ANKFY1: variants seen among roughly 807,000 people sequenced by gnomAD.
ANKFY1 encodes ankyrin repeat and FYVE domain containing 1.
Under a neutral mutation model 128.3 loss-of-function variants are expected in ANKFY1, and 47 were observed. That is an observed-to-expected ratio of 0.37 (90% CI 0.29 to 0.47). The LOEUF (loss-of-function observed/expected upper bound fraction) is 0.47, where lower values mean the gene tolerates loss of function less well. Ranked by LOEUF, ANKFY1 falls within the 20% of genes least tolerant of loss-of-function variation. ANKFY1 has a pLI of 1.00. For synonymous variants in ANKFY1, 553 were observed against 601.6 expected, an observed-to-expected ratio of 0.92 and a Z score of 1.18; for missense variants, 1,222 against 1,510.6, an observed-to-expected ratio of 0.81 and a Z score of 3.17.
At chr17:4,193,839 A>G (rs978868019) in intron 10 of ANKFY1, among the ~76,000 whole-genome samples, 6 of 151,726 alleles carry the variant, frequency 4.0e-5, no homozygotes, top group Admixed American at 2.0e-4. Flanking sequence ...GGCTCACTGC[A>G]ACCTCTGTCT....
At chr17:4,229,779 C>A (rs555724107) in intron 3 of ANKFY1, among the ~76,000 whole-genome samples, 1 of 152,194 alleles carries the variant, frequency 6.6e-6, no homozygotes, top group Non-Finnish European at 1.5e-5. Context: ...CATGACATGG[C>A]CGCTAACGTT....
intron 10 of ANKFY1, 65 bp from the exon 11 acceptor site, chr17:4,189,544 C>T: frequency 7.5e-7 from 1 of 1,325,434 alleles, no homozygotes; most frequent in Non-Finnish European, 1.0e-6. Flanking sequence ...CTGCACAACA[C>T]CCTGCTCTTC....
intron 16 of ANKFY1, chr17:4,180,204 G>A (rs1283387027): frequency 1.1e-5 from 3 of 271,926 alleles, no homozygotes; most frequent in Non-Finnish European, 2.1e-5. Flanking sequence ...GAGGCAGGTG[G>A]ATCACCTCAG....
At chr17:4,261,750 AATCTCAACCTTGC>A (rs1968429853) in intron 1 of ANKFY1, among the ~76,000 whole-genome samples, 1 of 152,144 alleles carries the variant, frequency 6.6e-6, no homozygotes, top group Non-Finnish European at 1.5e-5. Flanking sequence ...AGCCCTCCAC[AATCTCAACCTTGC>A]TAATGTATTC....
intron 17 of ANKFY1, chr17:4,179,369 C>T (rs371876798): frequency 1.7e-5 from 9 of 515,958 alleles, no homozygotes; most frequent in African/African-American, 9.5e-5. Flanking sequence ...TGCACAGGCT[C>T]GAATGTTGAA....
intron 10 of ANKFY1, among the ~76,000 whole-genome samples, chr17:4,193,419 CTT>C (rs34747890): frequency 9.2e-6 from 1 of 108,278 alleles, no homozygotes; most frequent in African/African-American, 4.2e-5. Flanking sequence ...CCAGTCGACT[CTT>C]TTTTTTTTTT....
At chr17:4,256,299 G>C (rs1046828624) in intron 1 of ANKFY1, among the ~76,000 whole-genome samples, 5 of 151,948 alleles carry the variant, frequency 3.3e-5, no homozygotes, top group Non-Finnish European at 7.4e-5. Context: ...GCAGTGGCGG[G>C]CGCCTGTAGT....
intron 8 of ANKFY1, 98 bp from the exon 9 acceptor site, chr17:4,195,569 G>C (rs754013098): frequency 4.6e-6 from 4 of 876,220 alleles, no homozygotes; most frequent in Middle Eastern, 2.3e-4. Flanking sequence ...ATCACCACCC[G>C]CAAGAAATCC....
rs1162219890 is a variant in ANKFY1 at position 4,167,185 on chromosome 17, C to G, written c.*594G>C. The G allele has an allele frequency of 6.6e-6, 1 of 152,644 alleles. No homozygotes were observed. Among genetic ancestry groups the G allele is most frequent in the Non-Finnish European group, 1.5e-5 (1 of 68,052 alleles). The allele number at this position is 152,644 out of a possible 1,614,324, so 9.5% of individuals were successfully genotyped here. A position where few individuals can be genotyped will look rare whatever the true frequency, so the allele number is the denominator to read the frequency against. On this transcript the variant is annotated 3_prime_UTR_variant, in exon 25 of 25. Transcript: ENST00000341657. This position sits in a 1 kb window ranked among gnomAD's most constrained non-coding sequence, Gnocchi z 4.1. ...AAGGCCACGATTTTTCAGCTCTCAT[C>G]TTTGAACCCTGTTAAGAAAGATTTC...
chr17:4,223,260 AC>A (rs1461708944), intron 3 of ANKFY1: 2 of 851,542 alleles, frequency 2.3e-6, no homozygotes, highest in Non-Finnish European at 4.1e-6. Context: ...ACACTGCCTT[AC>A]ATGAACTGAG....
rs539285877 is a variant in ANKFY1, at chr17:4,259,497, G to C, written c.10+4435C>G. On this transcript the variant is annotated intron_variant, in intron 1 of 24. Transcript: ENST00000341657. ...GGGTTCCACCATGTTGGTCAGGCTG[G>C]TCTGGAACTCCTGACCTCAAGTGAT... Among the ~76,000 whole-genome samples the C allele has an allele frequency of 3.9e-5, 6 of 152,276 alleles. No homozygotes were observed. In the East Asian group the frequency reaches 1.2e-3, roughly 29 times the overall value.
chr17:4,217,257 A>G (rs558455023), intron 3 of ANKFY1, 139 bp from the exon 4 acceptor site: 38 of 995,666 alleles, frequency 3.8e-5, no homozygotes, highest in Non-Finnish European at 5.0e-5. Flanking sequence ...GTCATTAAAA[A>G]TGGGGACTCG....
chr17:4,263,944 C>G lies in ANKFY1; in HGVS notation c.-3G>C. On this transcript the variant is annotated 5_prime_UTR_variant, in exon 1 of 25. Coordinates refer to ENST00000341657, the MANE Select transcript of ANKFY1 (RefSeq NM_001330063.2). ...AAAAAAACCCTACCTTCCGCCATGT[C>G]TGGCCCGGCACTGCCTGCAACCTCG... 6.2e-7 allele frequency: 1 copy of G among 1,614,008 alleles called. No homozygotes were observed. Among genetic ancestry groups the G allele is most frequent in the African/African-American group, 1.3e-5 (1 of 75,064 alleles).
chr17:4,233,444 C>A (rs1412123294), intron 3 of ANKFY1, among the ~76,000 whole-genome samples: 1 of 151,942 alleles, frequency 6.6e-6, no homozygotes, highest in Non-Finnish European at 1.5e-5. Context: ...ATTTCCCAGG[C>A]AAATGTTTTT....
rs2059241391 is a variant in ANKFY1 at position 4,167,992 on chromosome 17, G to A, written c.3378-81C>T. ...CTGGCACGTGAGGACAACCGCAGCAGGGCCTGGCAGCCAAGGCGCCCGCAA... is the reference window on the plus strand; with the variant it reads ...CTGGCACGTGAGGACAACCGCAGCAAGGCCTGGCAGCCAAGGCGCCCGCAA... On this transcript the variant is annotated intron_variant, in intron 24 of 24. Coordinates refer to ENST00000341657, the MANE Select transcript of ANKFY1 (RefSeq NM_001330063.2). This position sits in a 1 kb window ranked among gnomAD's most constrained non-coding sequence, Gnocchi z 4.1. 7 of 1,491,424 alleles carry A rather than the reference G, an allele frequency of 4.7e-6. No homozygotes were observed. The highest frequency in any genetic ancestry group is 4.5e-6 in the Non-Finnish European group (5 of 1,108,746). The allele number at this position is 1,491,424 out of a possible 1,614,324, so 92.4% of individuals were successfully genotyped here. A position where few individuals can be genotyped will look rare whatever the true frequency, so the allele number is the denominator to read the frequency against.
chr17:4,170,916 C>T (rs1192216163), intron 22 of ANKFY1, 55 bp from the exon 23 acceptor site: 61 of 1,612,318 alleles, frequency 3.8e-5, no homozygotes, highest in Non-Finnish European at 4.9e-5. Context: ...GCCCGGCAGC[C>T]ACAGACGGAG....
chr17:4,263,575 T>C (rs996186355), intron 1 of ANKFY1: 2 of 1,534,632 alleles, frequency 1.3e-6, no homozygotes, highest in African/African-American at 2.7e-5. Flanking sequence ...CAGTTTCGAT[T>C]TCCTAAGGAG....
Position 4,181,466 on chromosome 17 carries a change from C to G in ANKFY1, c.2122-94G>C, listed in dbSNP as rs1236516910. 4 of 806,358 alleles carry G rather than the reference C, an allele frequency of 5.0e-6. No homozygotes were observed. The African/African-American group carries it at 6.8e-5, about 14-fold the overall frequency. 50.0% of individuals were successfully genotyped at this position (806,358 alleles called of 1,614,324 possible). ...AGCTCTATGTATAGCATTAAATCCA[C>G]TTTCAGATAAGATACGGTTGATAAT... On this transcript the variant is annotated intron_variant, in intron 15 of 24. Transcript: ENST00000341657. This position sits in a 1 kb window ranked among gnomAD's most constrained non-coding sequence, Gnocchi z 4.9.
chr17:4,240,865 T>C (rs1186126138), intron 2 of ANKFY1, among the ~76,000 whole-genome samples: 1 of 152,214 alleles, frequency 6.6e-6, no homozygotes. Flanking sequence ...TACCCTAAAC[T>C]GGCCCCCTCC....
Sources: allele counts gnomAD v4.1 joint callset (sites outside exome capture counted in the v4.1 genomes callset), GRCh38; gene constraint gnomAD v4.1.1; non-coding constraint Gnocchi (gnomAD v3.1); transcripts MANE v1.5; gene names NCBI Gene and HGNC (gene_info 2026-07-23, HGNC 2026-07-21).